Variants in CAMTA1 observed in about 807,000 individuals in gnomAD.
CAMTA1 encodes the protein calmodulin-binding transcription activator 1.
CAMTA1 carries 27 observed loss-of-function variants against 170.9 expected under a neutral mutation model. That is an observed-to-expected ratio of 0.16 (90% CI 0.12 to 0.22). CAMTA1 has a LOEUF of 0.22. CAMTA1 is among the 10% of genes least tolerant of loss of function. The probability of loss-of-function intolerance (pLI) is 1.00; values close to 1 mark genes in which losing one functional copy is unlikely to be tolerated. For synonymous variants in CAMTA1, 833 were observed against 891.5 expected, an observed-to-expected ratio of 0.93 and a Z score of 1.17; for missense variants, 1,619 against 2,217.2, an observed-to-expected ratio of 0.73 and a Z score of 5.42.
intron 4 of CAMTA1, among the ~76,000 whole-genome samples, chr1:7,161,511 G>A (rs1647215325): frequency 6.6e-6 from 1 of 151,952 alleles, no homozygotes; most frequent in Admixed American, 6.6e-5. Flanking sequence ...GGTCTTTCCT[G>A]TGCTGTTCTC....
At chr1:7,660,792 C>T (rs997332047) in intron 7 of CAMTA1, among the ~76,000 whole-genome samples, 5 of 152,208 alleles carry the variant, frequency 3.3e-5, no homozygotes, top group Admixed American at 6.5e-5. Context: ...CCGGCTCCTC[C>T]GCGCCTGGAT....
At chr1:7,242,935 CT>C (rs1665144086) in intron 4 of CAMTA1, among the ~76,000 whole-genome samples, 1 of 151,902 alleles carries the variant, frequency 6.6e-6, no homozygotes, top group African/African-American at 2.4e-5. Flanking sequence ...GCACTCCAGC[CT>C]GGGCGACAAA....
At chr1:7,320,456 T>C (rs1678208006) in intron 5 of CAMTA1, among the ~76,000 whole-genome samples, 1 of 152,178 alleles carries the variant, frequency 6.6e-6, no homozygotes, top group Non-Finnish European at 1.5e-5. Flanking sequence ...GACATCTGGC[T>C]GGTGGGTGTG....
In CAMTA1 at chr1:7,096,221, C is replaced by T. The variant is rs796277867; in HGVS notation, c.302+4850C>T. Among the ~76,000 whole-genome samples, 36 of 152,280 alleles carry T rather than the reference C, an allele frequency of 2.4e-4. 1 individual carries two copies. Among genetic ancestry groups the T allele is most frequent in the African/African-American group, 8.4e-4 (35 of 41,556 alleles). ...TGAGCCCTGAGTTTCAAAAAGACTCCAGTGGCTCAGAGAGAGCTTCCACTC... is the reference window on the plus strand; with the variant it reads ...TGAGCCCTGAGTTTCAAAAAGACTCTAGTGGCTCAGAGAGAGCTTCCACTC... On this transcript the variant is annotated intron_variant, in intron 4 of 22. Transcript: ENST00000303635.
chr1:7,292,398 G>A (rs1673276498), intron 5 of CAMTA1, among the ~76,000 whole-genome samples: 2 of 152,224 alleles, frequency 1.3e-5, no homozygotes, highest in African/African-American at 4.8e-5. Context: ...CGGTGAATAT[G>A]TGTGTCTCCT....
rs537149317 is a variant in CAMTA1 at position 7,533,635 on chromosome 1, G to A, written c.510+65734G>A. ...GACTAGACATTAGAAAACGTCGGCC[G>A]GGCACGGTGGCTCACGCCTGTAATC... On this transcript the variant is annotated intron_variant, in intron 6 of 22. Coordinates refer to ENST00000303635, the MANE Select transcript of CAMTA1 (RefSeq NM_015215.4). Among the ~76,000 whole-genome samples the A allele has an allele frequency of 8.6e-4, 131 of 152,224 alleles. 1 individual carries two copies. Among genetic ancestry groups the A allele is most frequent in the South Asian group, 2.3e-3 (11 of 4,810 alleles).
At chr1:7,498,853 T>G (rs1344287464) in intron 6 of CAMTA1, among the ~76,000 whole-genome samples, 1 of 148,614 alleles carries the variant, frequency 6.7e-6, no homozygotes, top group Non-Finnish European at 1.5e-5. Flanking sequence ...TGTGTATGTA[T>G]GAGTGTGTGT....
At chr1:6,950,211 C>T (rs1688247225) in intron 3 of CAMTA1, among the ~76,000 whole-genome samples, 1 of 152,202 alleles carries the variant, frequency 6.6e-6, no homozygotes, top group South Asian at 2.1e-4. Context: ...GTTCCCAGCC[C>T]ACCCTTCTCA....
intron 4 of CAMTA1, among the ~76,000 whole-genome samples, chr1:7,125,658 A>G (rs1348254610): frequency 6.6e-6 from 1 of 152,144 alleles, no homozygotes; most frequent in Non-Finnish European, 1.5e-5. Context: ...TGCAGAGGCT[A>G]GAGGAAGGAG....
intron 11 of CAMTA1, among the ~76,000 whole-genome samples, chr1:7,716,621 C>T (rs970701681): frequency 4.1e-5 from 5 of 120,628 alleles, no homozygotes; most frequent in African/African-American, 1.2e-4. Flanking sequence ...CTTTAACTCT[C>T]ACAAGTTAGC....
intron 3 of CAMTA1, among the ~76,000 whole-genome samples, chr1:6,911,005 A>G (rs1679572079): frequency 6.6e-6 from 1 of 152,228 alleles, no homozygotes; most frequent in Non-Finnish European, 1.5e-5. Context: ...AAATTGCAGT[A>G]CATCTGCTAA....
intron 3 of CAMTA1, among the ~76,000 whole-genome samples, chr1:6,924,180 T>A (rs930877248): frequency 6.6e-6 from 1 of 152,178 alleles, no homozygotes; most frequent in Non-Finnish European, 1.5e-5. Flanking sequence ...GGACTGGGTG[T>A]GAATAGTGCA....
At chr1:7,122,076 G>A (rs565173031) in intron 4 of CAMTA1, among the ~76,000 whole-genome samples, 56 of 152,144 alleles carry the variant, frequency 3.7e-4, no homozygotes, top group African/African-American at 1.3e-3. Flanking sequence ...TCCGGGAAAG[G>A]CCATGGAGTG....
chr1:7,247,870 G>A (rs891140268), intron 4 of CAMTA1, among the ~76,000 whole-genome samples: 1 of 152,174 alleles, frequency 6.6e-6, no homozygotes, highest in Admixed American at 6.5e-5. Flanking sequence ...GGTTTCCAAT[G>A]CAGACTTGTA....
intron 3 of CAMTA1, among the ~76,000 whole-genome samples, chr1:7,047,116 G>T (rs141347290): frequency 6.6e-6 from 1 of 152,166 alleles, no homozygotes; most frequent in East Asian, 1.9e-4. Flanking sequence ...TGCTGAGGTG[G>T]AGGCTCCAGC....
intron 5 of CAMTA1, among the ~76,000 whole-genome samples, chr1:7,308,326 C>G (rs911669351): frequency 9.2e-5 from 14 of 151,724 alleles, no homozygotes; most frequent in Admixed American, 8.5e-4. Context: ...TTGATTTTCT[C>G]TATTTTTTTC....
At chr1:7,284,302 C>G (rs1672031831) in intron 5 of CAMTA1, among the ~76,000 whole-genome samples, 2 of 151,766 alleles carry the variant, frequency 1.3e-5, no homozygotes, top group East Asian at 3.9e-4. Flanking sequence ...CTCCCGGGTT[C>G]AAGCAATTCT....
chr1:7,214,194 A>G (rs924985058), intron 4 of CAMTA1, among the ~76,000 whole-genome samples: 1 of 152,304 alleles, frequency 6.6e-6, no homozygotes, highest in South Asian at 2.1e-4. Context: ...ACTGACTTCT[A>G]CAATGGTTGA....
intron 22 of CAMTA1, 107 bp downstream of exon 22, chr1:7,755,775 C>A: frequency 1.1e-6 from 1 of 893,164 alleles, no homozygotes; most frequent in Non-Finnish European, 1.9e-6. Context: ...GTAAGTTTCA[C>A]ATCCATTTTG....
Sources: gnomAD v4.1 joint callset for allele counts (sites outside exome capture counted in the v4.1 genomes callset) on GRCh38, gnomAD v4.1.1 for gene constraint, MANE v1.5 for transcripts, NCBI Gene and HGNC (gene_info 2026-07-23, HGNC 2026-07-21) for gene names.